The following ALPK1 variants were observed in gnomAD, a reference collection of about 807,000 sequenced individuals.
ALPK1 encodes the protein alpha-protein kinase 1.
ALPK1 carries 110 observed loss-of-function variants against 120.6 expected under a neutral mutation model. That is an observed-to-expected ratio of 0.91 (90% confidence interval 0.78 to 1.07). The LOEUF is 1.07. Among genes scored for constraint, ALPK1 ranks in the 50% least tolerant of loss-of-function variants. The pLI, the probability that ALPK1 is intolerant of heterozygous loss-of-function variation, is 0.00. For synonymous variants in ALPK1, 582 were observed against 560.3 expected, an observed-to-expected ratio of 1.04 and a Z score of -0.55; for missense variants, 1,498 against 1,483.9, an observed-to-expected ratio of 1.01 and a Z score of -0.16.
chr4:112,369,117 A>G (rs1208359818), intron 2 of ALPK1, among the ~76,000 whole-genome samples: 2 of 151,990 alleles, frequency 1.3e-5, no homozygotes, highest in African/African-American at 4.8e-5. Flanking sequence ...AGCATTTTTT[A>G]TTGTTTTCAG....
intron 4 of ALPK1, among the ~76,000 whole-genome samples, chr4:112,401,287 A>T (rs1027097861): frequency 7.2e-5 from 11 of 152,322 alleles, no homozygotes; most frequent in Non-Finnish European, 1.0e-4. Flanking sequence ...GCAAGTGAGG[A>T]CATGAGATGA....
chr4:112,432,717 A>G (rs1734628786), intron 11 of ALPK1, 136 bp downstream of exon 11: 1 of 824,148 alleles, frequency 1.2e-6, no homozygotes, highest in Non-Finnish European at 1.9e-6. Context: ...TCACAGAGAA[A>G]TGTATACTTC....
At chr4:112,387,696 T>TAAA (rs1238654184) in intron 4 of ALPK1, among the ~76,000 whole-genome samples, 1 of 152,200 alleles carries the variant, frequency 6.6e-6, no homozygotes, top group Non-Finnish European at 1.5e-5. Flanking sequence ...ATAATAATAA[T>TAAA]AAATGTTGAG....
chr4:112,435,321 G>C lies in ALPK1; in HGVS notation c.3188+20G>C, dbSNP rs1455449804. On this transcript the variant is annotated intron_variant, in intron 12 of 15. Coordinates refer to ENST00000650871, the MANE Select transcript of ALPK1 (RefSeq NM_025144.4). ...GGGGAGGTATTACTTAAAAACATTTGTATAACTAATGTAAGATGAGCTAAC... is the reference window on the plus strand; with the variant it reads ...GGGGAGGTATTACTTAAAAACATTTCTATAACTAATGTAAGATGAGCTAAC... 4.4e-6 allele frequency: 7 copies of C among 1,600,626 alleles called. No individual in the cohort carries two copies. Among genetic ancestry groups the C allele is most frequent in the Non-Finnish European group, 5.1e-6 (6 of 1,174,262 alleles).
At chr4:112,374,785 A>C (rs1458395410) in intron 2 of ALPK1, among the ~76,000 whole-genome samples, 1 of 152,206 alleles carries the variant, frequency 6.6e-6, no homozygotes, top group African/African-American at 2.4e-5. Context: ...GTACACTGTC[A>C]ATGAGCAGTA....
At chr4:112,347,344 A>C (rs1428391039) in intron 2 of ALPK1, among the ~76,000 whole-genome samples, 3 of 152,244 alleles carry the variant, frequency 2.0e-5, no homozygotes, top group Non-Finnish European at 4.4e-5. Context: ...GAACTTTGAC[A>C]AATCACTGAA....
intron 2 of ALPK1, chr4:112,356,760 T>G: frequency 1.3e-6 from 1 of 772,790 alleles, no homozygotes. Context: ...CCTTATTACC[T>G]GTCCCGGAAC....
chr4:112,438,753 A>G, intron 13 of ALPK1, 107 bp downstream of exon 13: 2 of 1,281,240 alleles, frequency 1.6e-6, no homozygotes, highest in South Asian at 1.4e-5. Context: ...TTAGCAAACT[A>G]TCCTTGTGTG....
intron 12 of ALPK1, among the ~76,000 whole-genome samples, chr4:112,437,480 A>G (rs887238913): frequency 6.6e-6 from 1 of 152,222 alleles, no homozygotes; most frequent in Non-Finnish European, 1.5e-5. Flanking sequence ...TCCAGTAGCC[A>G]GTACTCACAG....
intron 2 of ALPK1, among the ~76,000 whole-genome samples, chr4:112,324,013 G>A (rs1344123001): frequency 6.6e-6 from 1 of 152,164 alleles, no homozygotes; most frequent in African/African-American, 2.4e-5. Context: ...CTGGGCTTAG[G>A]GAGCCCACTG....
intron 4 of ALPK1, among the ~76,000 whole-genome samples, chr4:112,398,473 T>C (rs1732765375): frequency 6.6e-6 from 1 of 151,858 alleles, no homozygotes; most frequent in Non-Finnish European, 1.5e-5. Flanking sequence ...TTTAAAAAAA[T>C]ATTTTTGTAA....
At chr4:112,305,135 C>A (rs1350915672) in intron 1 of ALPK1, among the ~76,000 whole-genome samples, 1 of 152,018 alleles carries the variant, frequency 6.6e-6, no homozygotes, top group Non-Finnish European at 1.5e-5. Context: ...CAGTACCATG[C>A]TGTTTTGGTT....
intron 4 of ALPK1, among the ~76,000 whole-genome samples, chr4:112,398,005 A>C (rs1475449319): frequency 1.3e-5 from 2 of 152,140 alleles, no homozygotes; most frequent in Non-Finnish European, 2.9e-5. Context: ...CAGAGTCGAG[A>C]GATAGTGAGT....
chr4:112,357,643 CACCAG>C, intron 2 of ALPK1: 1 of 1,608,220 alleles, frequency 6.2e-7, no homozygotes. Context: ...CATCGACAAG[CACCAG>C]ATCTGGGTGG....
At position 112,441,011 on chromosome 4, in the gene ALPK1, G is replaced by C. The variant is rs1247077530; in HGVS notation, c.3633G>C (p.Lys1211Asn). Reference protein sequence around the residue: ...DQKVFTTNFGKRGIFYFFNNQ... With the variant: ...DQKVFTTNFGNRGIFYFFNNQ... Reference sequence around the variant, plus strand: ...AAGTTTTCACTACCAATTTTGGAAAGAGAGGAATTTTTTACTTCTTTAATA... The same window carrying C: ...AAGTTTTCACTACCAATTTTGGAAACAGAGGAATTTTTTACTTCTTTAATA... Residue 1211 changes from lysine to asparagine, a missense_variant, in exon 15 of 16, where the codon AAG (lysine) becomes AAC (asparagine). Coordinates refer to ENST00000650871, the MANE Select transcript of ALPK1 (RefSeq NM_025144.4). 2.5e-6 allele frequency: 4 copies of C among 1,613,872 alleles called. No homozygotes were observed. The African/African-American group carries it at 4.0e-5, about 16-fold the overall frequency.
chr4:112,318,220 G>A (rs1728720565), intron 2 of ALPK1, among the ~76,000 whole-genome samples: 1 of 152,144 alleles, frequency 6.6e-6, no homozygotes, highest in African/African-American at 2.4e-5. Flanking sequence ...GAAGTTCTGG[G>A]AACCTAGGTA....
intron 4 of ALPK1, among the ~76,000 whole-genome samples, chr4:112,389,683 T>A (rs1476312296): frequency 6.6e-6 from 1 of 152,198 alleles, no homozygotes; most frequent in Non-Finnish European, 1.5e-5. Flanking sequence ...AGTCTTGCAA[T>A]GTGCTGGGCA....
chr4:112,320,141 T>C (rs1728804934), intron 2 of ALPK1, among the ~76,000 whole-genome samples: 1 of 152,222 alleles, frequency 6.6e-6, no homozygotes. Flanking sequence ...GGGGAATGCT[T>C]TCAACTTTTC....
chr4:112,422,585 C>T (rs1388183343), intron 5 of ALPK1, among the ~76,000 whole-genome samples: 2 of 152,228 alleles, frequency 1.3e-5, no homozygotes, highest in African/African-American at 2.4e-5. Context: ...TATAGTAGTA[C>T]TCCACTTTTA....
Sources: gnomAD v4.1 joint callset for allele counts (sites outside exome capture counted in the v4.1 genomes callset) on GRCh38, gnomAD v4.1.1 for gene constraint, MANE v1.5 for transcripts, NCBI Gene and HGNC (gene_info 2026-07-23, HGNC 2026-07-21) for gene names.